The following NAALADL2 variants were observed in gnomAD, a reference collection of about 807,000 sequenced individuals.
NAALADL2 encodes the protein N-acetylated alpha-linked acidic dipeptidase like 2.
A neutral mutation model predicts 87.2 loss-of-function variants in NAALADL2; 76 were observed. That is an observed-to-expected ratio of 0.87 (90% CI 0.72 to 1.05). The LOEUF is 1.05. Ranked by LOEUF, NAALADL2 falls within the 50% of genes least tolerant of loss-of-function variation. NAALADL2 has a pLI of 0.00. For missense variants in NAALADL2, 1,089 were observed against 945.8 expected, an observed-to-expected ratio of 1.15 and a Z score of -1.99; for synonymous variants, 354 against 331.0, an observed-to-expected ratio of 1.07 and a Z score of -0.75.
intron 2 of NAALADL2, among the ~76,000 whole-genome samples, chr3:174,649,023 C>T (rs1724088426): frequency 6.6e-6 from 1 of 151,998 alleles, no homozygotes; most frequent in African/African-American, 2.4e-5. Flanking sequence ...GGAAATGGTG[C>T]TACCTTGGCT....
chr3:174,753,118 T>C (rs1735000638), intron 3 of NAALADL2, among the ~76,000 whole-genome samples: 1 of 152,242 alleles, frequency 6.6e-6, no homozygotes, highest in African/African-American at 2.4e-5. Context: ...CTTTCTTTTT[T>C]TTTGAGACAG....
At chr3:175,710,926 T>G (rs1240442229) in intron 11 of NAALADL2, among the ~76,000 whole-genome samples, 2 of 151,904 alleles carry the variant, frequency 1.3e-5, no homozygotes, top group African/African-American at 4.8e-5. Context: ...TGTTCAAGAA[T>G]AAATATAGCC....
At chr3:174,505,361 A>G (rs1719136819) in intron 1 of NAALADL2, among the ~76,000 whole-genome samples, 2 of 152,188 alleles carry the variant, frequency 1.3e-5, no homozygotes, top group Non-Finnish European at 2.9e-5. Flanking sequence ...ATCCAAGGTC[A>G]CTTCTAAGCG....
intron 2 of NAALADL2, among the ~76,000 whole-genome samples, chr3:174,630,447 G>A (rs1721998010): frequency 6.6e-6 from 1 of 152,072 alleles, no homozygotes; most frequent in African/African-American, 2.4e-5. Flanking sequence ...TTTATGATAT[G>A]TTTATGCTTA....
intron 10 of NAALADL2, among the ~76,000 whole-genome samples, chr3:175,618,664 G>A (rs1367665976): frequency 6.6e-6 from 1 of 152,088 alleles, no homozygotes; most frequent in Non-Finnish European, 1.5e-5. Flanking sequence ...AGTGACACAG[G>A]ATGGAGGGAG....
intron 2 of NAALADL2, among the ~76,000 whole-genome samples, chr3:175,142,596 C>A (rs550369465): frequency 6.7e-6 from 1 of 149,944 alleles, no homozygotes; most frequent in East Asian, 1.9e-4. Context: ...CAACCGTCCT[C>A]TATTACTGCA....
At chr3:175,071,070 A>G (rs1195639144) in intron 1 of NAALADL2, among the ~76,000 whole-genome samples, 3 of 152,016 alleles carry the variant, frequency 2.0e-5, no homozygotes, top group Non-Finnish European at 4.4e-5. Context: ...TGATGTTACA[A>G]CAGTGCTAGG....
At chr3:175,420,083 A>G (rs904435861) in intron 5 of NAALADL2, among the ~76,000 whole-genome samples, 2 of 151,990 alleles carry the variant, frequency 1.3e-5, no homozygotes, top group Non-Finnish European at 2.9e-5. Context: ...ATATTTTTCA[A>G]CCAGGGCTGA....
At chr3:175,087,256 G>A (rs369395523) in intron 1 of NAALADL2, among the ~76,000 whole-genome samples, 9 of 152,016 alleles carry the variant, frequency 5.9e-5, no homozygotes, top group East Asian at 1.9e-4. Flanking sequence ...GCCCCTGCCC[G>A]GCCAGCTGCC....
chr3:175,641,661 C>T (rs772629719), intron 11 of NAALADL2, among the ~76,000 whole-genome samples: 1 of 152,184 alleles, frequency 6.6e-6, no homozygotes, highest in Non-Finnish European at 1.5e-5. Context: ...GTCATTTCCT[C>T]ACCAGTTTCA....
At chr3:174,969,999 C>G (rs78479856) in intron 1 of NAALADL2, among the ~76,000 whole-genome samples, 3,545 of 152,208 alleles carry the variant, frequency 0.023, 109 homozygotes, top group East Asian at 0.15. Context: ...TTAAAATCAA[C>G]TTGAGTTCTT....
chr3:174,560,466 C>A (rs1165531492), intron 2 of NAALADL2, among the ~76,000 whole-genome samples: 2 of 152,270 alleles, frequency 1.3e-5, no homozygotes, highest in East Asian at 3.9e-4. Context: ...ACAGAAAGTT[C>A]TTTGAGGGCA....
intron 3 of NAALADL2, among the ~76,000 whole-genome samples, chr3:174,804,810 C>A (rs142852175): frequency 1.1e-4 from 16 of 152,002 alleles, no homozygotes; most frequent in African/African-American, 3.4e-4. Flanking sequence ...GAAGGACTTA[C>A]GTTTTGAAAA....
chr3:174,856,093 A>C (rs893009869), upstream of NAALADL2, among the ~76,000 whole-genome samples: 5 of 151,488 alleles, frequency 3.3e-5, no homozygotes, highest in African/African-American at 1.2e-4. Context: ...TGCAGCCTCA[A>C]ACTTCTGGAC....
At chr3:175,111,513 T>A (rs1403398971) in intron 2 of NAALADL2, among the ~76,000 whole-genome samples, 1 of 151,742 alleles carries the variant, frequency 6.6e-6, no homozygotes, top group Non-Finnish European at 1.5e-5. Flanking sequence ...GGAGCTACAA[T>A]GGTAACCTAG....
chr3:175,251,988 T>C (rs1581127406), intron 3 of NAALADL2, among the ~76,000 whole-genome samples: 1 of 152,374 alleles, frequency 6.6e-6, no homozygotes, highest in Admixed American at 6.5e-5. Flanking sequence ...CTTTGATTTA[T>C]TAACATGTAC....
At chr3:174,839,744 A>T (rs1407085552) in intron 3 of NAALADL2, among the ~76,000 whole-genome samples, 1 of 152,146 alleles carries the variant, frequency 6.6e-6, no homozygotes, top group Non-Finnish European at 1.5e-5. Context: ...CATGAAAAAC[A>T]TGCTCTACAT....
At chr3:175,595,065 C>A (rs960826349) in intron 10 of NAALADL2, among the ~76,000 whole-genome samples, 7 of 151,964 alleles carry the variant, frequency 4.6e-5, no homozygotes, top group Non-Finnish European at 7.4e-5. Context: ...GCCAAAAATT[C>A]TTTGTCACAG....
intron 2 of NAALADL2, among the ~76,000 whole-genome samples, chr3:174,630,386 G>A (rs73882460): frequency 0.024 from 3,623 of 152,180 alleles, 90 homozygotes; most frequent in African/African-American, 0.058. Context: ...ATAACAAAAT[G>A]TGAAAATTTT....
Sources: gnomAD v4.1 joint callset for allele counts (sites outside exome capture counted in the v4.1 genomes callset) on GRCh38, gnomAD v4.1.1 for gene constraint, MANE v1.5 for transcripts, NCBI Gene and HGNC (gene_info 2026-07-23, HGNC 2026-07-21) for gene names.